The following EXOC4 variants were observed in gnomAD, a reference collection of about 807,000 sequenced individuals.
The protein encoded by EXOC4 is exocyst complex component 4.
EXOC4 carries 71 observed loss-of-function variants against 107.2 expected under a neutral mutation model. The ratio of observed to expected loss-of-function variants is 0.66; its 90% CI spans 0.55 to 0.81. EXOC4 has a LOEUF of 0.81. EXOC4 is among the 30% of genes least tolerant of loss of function. The probability of loss-of-function intolerance (pLI) is 0.00; values close to 1 mark genes in which losing one functional copy is unlikely to be tolerated. For synonymous variants in EXOC4, 456 were observed against 441.2 expected, an observed-to-expected ratio of 1.03 and a Z score of -0.42; for missense variants, 1,108 against 1,189.6, an observed-to-expected ratio of 0.93 and a Z score of 1.01.
intron 9 of EXOC4, among the ~76,000 whole-genome samples, chr7:133,511,070 C>A (rs1378556400): frequency 1.3e-5 from 2 of 151,752 alleles, no homozygotes; most frequent in African/African-American, 4.8e-5. Flanking sequence ...TATTATTAAT[C>A]CAGAACATTT....
At chr7:134,088,600 G>C in the EXOC4 span, among the ~76,000 whole-genome samples, 6 of 152,168 alleles carry the variant, frequency 3.9e-5, no homozygotes, top group Admixed American at 6.5e-5. Context: ...TTCTCCATGA[G>C]AGTTCTGAAA....
intron 10 of EXOC4, among the ~76,000 whole-genome samples, chr7:133,650,335 A>G (rs1176118492): frequency 6.6e-6 from 1 of 152,092 alleles, no homozygotes; most frequent in Non-Finnish European, 1.5e-5. Context: ...AGGCTTGACG[A>G]TAAAATGCAG....
At chr7:133,302,181 A>G (rs983280796) in intron 3 of EXOC4, among the ~76,000 whole-genome samples, 2 of 152,190 alleles carry the variant, frequency 1.3e-5, no homozygotes, top group African/African-American at 4.8e-5. Flanking sequence ...GTTTTCATAC[A>G]TGGATAGGTT....
intron 9 of EXOC4, among the ~76,000 whole-genome samples, chr7:133,612,077 A>G (rs1802086397): frequency 6.6e-6 from 1 of 152,160 alleles, no homozygotes. Flanking sequence ...AATCTTTAGT[A>G]TTCATGTTCT....
intron 5 of EXOC4, among the ~76,000 whole-genome samples, chr7:133,331,943 G>A (rs947555108): frequency 2.0e-5 from 3 of 152,142 alleles, no homozygotes; most frequent in Non-Finnish European, 2.9e-5. Context: ...GTCTAATTTA[G>A]ATGTAGTAGT....
At chr7:133,724,719 T>C (rs1340372481) in intron 10 of EXOC4, among the ~76,000 whole-genome samples, 1 of 152,228 alleles carries the variant, frequency 6.6e-6, no homozygotes, top group Non-Finnish European at 1.5e-5. Flanking sequence ...GAAGGTGATA[T>C]TTGAGCAGAG....
intron 9 of EXOC4, among the ~76,000 whole-genome samples, chr7:133,582,154 T>C (rs1023260610): frequency 3.3e-5 from 5 of 152,052 alleles, no homozygotes; most frequent in African/African-American, 1.2e-4. Context: ...TAGGCCCCAG[T>C]GTCTCTTGGG....
intron 5 of EXOC4, among the ~76,000 whole-genome samples, chr7:133,351,645 A>G (rs372851079): frequency 1.3e-5 from 2 of 151,946 alleles, no homozygotes; most frequent in East Asian, 1.9e-4. Context: ...CTTTGATTTA[A>G]TCAGTTTTTG....
chr7:133,304,658 C>G (rs538318565), intron 3 of EXOC4, among the ~76,000 whole-genome samples: 1 of 152,160 alleles, frequency 6.6e-6, no homozygotes, highest in Non-Finnish European at 1.5e-5. Flanking sequence ...CTAGATGACT[C>G]CTTAGACTGC....
intron 10 of EXOC4, among the ~76,000 whole-genome samples, chr7:133,707,317 A>T (rs1028416249): frequency 3.3e-5 from 5 of 152,062 alleles, no homozygotes; most frequent in African/African-American, 1.2e-4. Flanking sequence ...CAGGAGGTGG[A>T]GGTTGCAGTG....
chr7:133,974,030 T>A (rs1793764707), intron 14 of EXOC4, among the ~76,000 whole-genome samples: 1 of 152,242 alleles, frequency 6.6e-6, no homozygotes, highest in South Asian at 2.1e-4. Flanking sequence ...AATCCATTCA[T>A]GAGGGTAGAA....
At chr7:133,866,125 A>G (rs1202225157) in intron 11 of EXOC4, among the ~76,000 whole-genome samples, 2 of 152,234 alleles carry the variant, frequency 1.3e-5, no homozygotes, top group African/African-American at 4.8e-5. Context: ...GCACATTACT[A>G]TTGAGTAACA....
At chr7:133,623,210 A>C (rs1481528716) in intron 9 of EXOC4, among the ~76,000 whole-genome samples, 1 of 152,230 alleles carries the variant, frequency 6.6e-6, no homozygotes, top group African/African-American at 2.4e-5. Context: ...AGAGCTACAC[A>C]AGAATAAAAT....
At position 133,382,960 on chromosome 7, in the gene EXOC4, T is replaced by C. The variant is rs571091984; in HGVS notation, c.1182+7958T>C. ...CTATAGCTATCATAGTAACGGGGTG[T>C]TATAGTTTTTCCCTGGTGTCAGCCC... On this transcript the variant is annotated intron_variant, in intron 7 of 17. Transcript: ENST00000253861. 1.9e-4 allele frequency among the ~76,000 whole-genome samples: 29 copies of C among 152,282 alleles called. No homozygotes were observed. In the South Asian group the frequency reaches 5.8e-3, roughly 30 times the overall value.
intron 15 of EXOC4, among the ~76,000 whole-genome samples, chr7:134,000,094 AT>A (rs924951576): frequency 2.0e-5 from 3 of 152,106 alleles, no homozygotes; most frequent in African/African-American, 7.2e-5. Flanking sequence ...TTTAAATTAA[AT>A]TTCCTCACTT....
intron 10 of EXOC4, among the ~76,000 whole-genome samples, chr7:133,710,257 C>A (rs1794857166): frequency 6.6e-6 from 1 of 152,126 alleles, no homozygotes; most frequent in Admixed American, 6.5e-5. Context: ...CATCCGGAGT[C>A]TTCCCTCTTG....
At chr7:133,304,289 G>T (rs961487573) in intron 3 of EXOC4, among the ~76,000 whole-genome samples, 3 of 152,192 alleles carry the variant, frequency 2.0e-5, no homozygotes, top group Non-Finnish European at 2.9e-5. Context: ...AAATGAATTT[G>T]TTGTTGTTTT....
At chr7:133,841,089 T>C (rs1798016191) in intron 11 of EXOC4, among the ~76,000 whole-genome samples, 2 of 152,142 alleles carry the variant, frequency 1.3e-5, no homozygotes, top group Admixed American at 6.5e-5. Flanking sequence ...GCAGATTTGG[T>C]GTCTGATGAG....
chr7:134,039,341 A>G (rs943053980), intron 17 of EXOC4, among the ~76,000 whole-genome samples: 3 of 152,226 alleles, frequency 2.0e-5, no homozygotes, highest in South Asian at 2.1e-4. Flanking sequence ...CCCCAAAATT[A>G]TATGCAAAAT....
Sources: gnomAD v4.1 joint callset for allele counts (sites outside exome capture counted in the v4.1 genomes callset) on GRCh38, gnomAD v4.1.1 for gene constraint, MANE v1.5 for transcripts, NCBI Gene and HGNC (gene_info 2026-07-23, HGNC 2026-07-21) for gene names.